Variants in PIK3C2G observed in about 807,000 individuals in gnomAD.
The protein encoded by PIK3C2G is phosphatidylinositol 3-kinase C2 domain-containing subunit gamma.
Under a neutral mutation model 181.1 loss-of-function variants are expected in PIK3C2G, and 168 were observed. That is an observed-to-expected ratio of 0.93 (90% CI 0.82 to 1.05). The LOEUF is 1.05. Among genes scored for constraint, PIK3C2G ranks in the 50% least tolerant of loss-of-function variants. PIK3C2G has a pLI of 0.00. For missense variants in PIK3C2G, 1,869 were observed against 1,732.8 expected, an observed-to-expected ratio of 1.08 and a Z score of -1.40; for synonymous variants, 573 against 592.2, an observed-to-expected ratio of 0.97 and a Z score of 0.47.
intron 18 of PIK3C2G, among the ~76,000 whole-genome samples, chr12:18,471,635 A>C (rs1938468408): frequency 6.6e-6 from 1 of 152,098 alleles, no homozygotes; most frequent in Non-Finnish European, 1.5e-5. Flanking sequence ...TTTAGGATTC[A>C]ATTCACAGAG....
chr12:18,502,932 T>G (rs573682283), intron 22 of PIK3C2G, among the ~76,000 whole-genome samples: 7 of 152,312 alleles, frequency 4.6e-5, no homozygotes, highest in Admixed American at 3.9e-4. Context: ...TATCCAAGCT[T>G]AAATGTCCTC....
chr12:18,544,595 AAG>A (rs1944325341), intron 25 of PIK3C2G, among the ~76,000 whole-genome samples: 1 of 151,890 alleles, frequency 6.6e-6, no homozygotes, highest in South Asian at 2.1e-4. Flanking sequence ...AACCAGGAAA[AAG>A]AGAGAATCAA....
chr12:18,534,594 G>C (rs930756137), intron 24 of PIK3C2G, among the ~76,000 whole-genome samples: 1 of 151,726 alleles, frequency 6.6e-6, no homozygotes, highest in African/African-American at 2.4e-5. Flanking sequence ...TCGCATGTAA[G>C]AGAATAACAT....
intron 18 of PIK3C2G, among the ~76,000 whole-genome samples, chr12:18,477,399 G>C (rs1263920853): frequency 6.6e-6 from 1 of 152,118 alleles, no homozygotes; most frequent in Admixed American, 6.5e-5. Context: ...CGAACTGATA[G>C]AGTGAAAAGG....
chr12:18,338,010 G>T (rs540799628), intron 8 of PIK3C2G, among the ~76,000 whole-genome samples: 7 of 152,192 alleles, frequency 4.6e-5, no homozygotes, highest in Non-Finnish European at 4.4e-5. Flanking sequence ...CCTGGGGTCG[G>T]CCATCATAAC....
At chr12:18,550,142 A>G (rs1239100894) in intron 26 of PIK3C2G, among the ~76,000 whole-genome samples, 1 of 152,040 alleles carries the variant, frequency 6.6e-6, no homozygotes, top group Non-Finnish European at 1.5e-5. Flanking sequence ...TTTCTATCAC[A>G]CATCCCATCT....
Position 18,371,194 on chromosome 12 carries a change from T to G in PIK3C2G, c.1763T>G (p.Leu588Arg), listed in dbSNP as rs1167350078. The change falls in exon 13 of 33, where the codon CTT becomes CGT. Residue 588 changes from leucine (L) to arginine (R), a missense_variant. Physicochemically the swap from Leu to Arg is moderately radical, Grantham distance 102. Transcript: ENST00000538779. ...TTTATTCTCAGGATCAATTTTCCCCTTGAAATAAAGTCACTTCCAAGGGAA... is the reference window on the plus strand; with the variant it reads ...TTTATTCTCAGGATCAATTTTCCCCGTGAAATAAAGTCACTTCCAAGGGAA... ...VNWNETINFP[L>R]EIKSLPRESM... 1 of 1,608,818 alleles carries G rather than the reference T, an allele frequency of 6.2e-7. No individual in the cohort carries two copies. Among genetic ancestry groups the G allele is most frequent in the Admixed American group, 1.7e-5 (1 of 59,302 alleles).
chr12:18,671,317 G>C, the PIK3C2G span, among the ~76,000 whole-genome samples: 1 of 152,062 alleles, frequency 6.6e-6, no homozygotes, highest in East Asian at 1.9e-4. Flanking sequence ...GAAGATATTG[G>C]GATTTTTTTT....
chr12:18,314,196 G>T, intron 6 of PIK3C2G, 132 bp downstream of exon 6: 1 of 581,770 alleles, frequency 1.7e-6, no homozygotes, highest in East Asian at 2.8e-5. Flanking sequence ...TATATTCATT[G>T]AAACATGATG....
chr12:18,669,563 T>C, the PIK3C2G span, among the ~76,000 whole-genome samples: 2 of 152,174 alleles, frequency 1.3e-5, no homozygotes, highest in Admixed American at 1.3e-4. Flanking sequence ...ATCCAGCAGA[T>C]TCAGTTGTTG....
At chr12:18,270,358 C>T (rs1261036556) in intron 1 of PIK3C2G, among the ~76,000 whole-genome samples, 1 of 152,050 alleles carries the variant, frequency 6.6e-6, no homozygotes, top group East Asian at 1.9e-4. Flanking sequence ...GAAGATAAAA[C>T]TCTCTTGAGC....
chr12:18,454,467 T>C (rs1360666217), intron 18 of PIK3C2G, among the ~76,000 whole-genome samples: 1 of 152,096 alleles, frequency 6.6e-6, no homozygotes, highest in African/African-American at 2.4e-5. Context: ...CTTAGCAATG[T>C]AGGGAAGTGT....
intron 30 of PIK3C2G, among the ~76,000 whole-genome samples, chr12:18,606,664 C>T (rs1948040062): frequency 6.6e-6 from 1 of 151,888 alleles, no homozygotes; most frequent in East Asian, 1.9e-4. Context: ...GAAAATTATA[C>T]TGATCAGGTG....
In PIK3C2G at chr12:18,488,432, CT is replaced by C. The variant is rs1259610703; in HGVS notation, c.2505-16del. 15 of 1,259,044 alleles carry C rather than the reference CT, an allele frequency of 1.2e-5. No homozygotes were observed. Among genetic ancestry groups the C allele is most frequent in the African/African-American group, 4.3e-5 (2 of 46,574 alleles). 78.0% of individuals were successfully genotyped at this position (1,259,044 alleles called of 1,614,324 possible). A position where few individuals can be genotyped will look rare whatever the true frequency, so the allele number is the denominator to read the frequency against. On this transcript the variant is annotated splice_polypyrimidine_tract_variant and intron_variant, in intron 18 of 32. Transcript: ENST00000538779. ...TAGCTTTACATACAAGAATTTTTTT[CT>C]CTCTCTTTCCTTCAGGCTGCTAAAA...
At chr12:18,284,765 G>T (rs965400434) in intron 2 of PIK3C2G, among the ~76,000 whole-genome samples, 75 of 152,052 alleles carry the variant, frequency 4.9e-4, no homozygotes, top group African/African-American at 1.8e-3. Context: ...CTTAACAACA[G>T]ATAGGAAAGA....
chr12:18,666,903 G>A, the PIK3C2G span, among the ~76,000 whole-genome samples: 2 of 152,098 alleles, frequency 1.3e-5, no homozygotes, highest in African/African-American at 4.8e-5. Flanking sequence ...TAAGTAAAAG[G>A]TTATTTTTAA....
In PIK3C2G at chr12:18,501,202, G is replaced by C. The variant is rs557154674; in HGVS notation, c.3017-2079G>C. Among the ~76,000 whole-genome samples the C allele has an allele frequency of 1.2e-4, 18 of 152,322 alleles. No individual in the cohort carries two copies. In the South Asian group the frequency reaches 3.7e-3, roughly 32 times the overall value. On this transcript the variant is annotated intron_variant, in intron 22 of 32. Coordinates refer to ENST00000538779, the MANE Select transcript of PIK3C2G (RefSeq NM_001288772.2). The stretch of plus-strand genomic sequence containing the variant: ...CACCTGGACTGGGTAATTAATAAAG[G>C]AAAGAGGTTAAATGGCTCACAGTTC...
At position 18,602,069 on chromosome 12, in the gene PIK3C2G, T is replaced by C. The variant is rs74234478; in HGVS notation, c.4088-7466T>C. ...ACTCAGGGGAGGGCACGAATCCGGCTTGGAGACTTCACAGGTAGGGGAAGA... is the reference window on the plus strand; with the variant it reads ...ACTCAGGGGAGGGCACGAATCCGGCCTGGAGACTTCACAGGTAGGGGAAGA... On this transcript the variant is annotated intron_variant, in intron 30 of 32. Coordinates refer to ENST00000538779, the MANE Select transcript of PIK3C2G (RefSeq NM_001288772.2). Among the ~76,000 whole-genome samples, 97 of 152,250 alleles carry C rather than the reference T, an allele frequency of 6.4e-4. 1 individual carries two copies. In the East Asian group the frequency reaches 0.017, roughly 26 times the overall value.
intron 14 of PIK3C2G, 25 bp from the exon 15 acceptor site, chr12:18,391,097 T>C (rs1943504529): frequency 1.3e-6 from 2 of 1,581,498 alleles, no homozygotes; most frequent in South Asian, 1.2e-5. Context: ...CTTCAACACA[T>C]GGCAAATCAT....
Sources: allele counts gnomAD v4.1 joint callset (sites outside exome capture counted in the v4.1 genomes callset), GRCh38; gene constraint gnomAD v4.1.1; transcripts MANE v1.5; gene names NCBI Gene and HGNC (gene_info 2026-07-23, HGNC 2026-07-21).